The following RNF130 variants were observed in gnomAD, a reference collection of about 807,000 sequenced individuals.
RNF130 encodes the protein E3 ubiquitin-protein ligase RNF130.
In RNF130, 21 loss-of-function variants were observed where a neutral mutation model predicts 44.6. The ratio of observed to expected loss-of-function variants is 0.47; its 90% confidence interval spans 0.33 to 0.68. RNF130 has a LOEUF of 0.68. Among genes scored for constraint, RNF130 ranks in the 30% least tolerant of loss-of-function variants. The pLI, the probability that RNF130 is intolerant of heterozygous loss-of-function variation, is 0.02. For synonymous variants in RNF130, 214 were observed against 210.4 expected (o/e 1.02, Z -0.15); for missense variants, 479 against 560.6 (o/e 0.85, Z 1.47).
At chr5:179,928,689 T>C (rs1265615088) in intron 7 of RNF130, among the ~76,000 whole-genome samples, 1 of 151,342 alleles carries the variant, frequency 6.6e-6, no homozygotes, top group African/African-American at 2.4e-5. Context: ...AGTGCAGTGG[T>C]GCGATCTCGG....
At chr5:180,037,804 A>G (rs1171234969) in intron 2 of RNF130, among the ~76,000 whole-genome samples, 1 of 152,144 alleles carries the variant, frequency 6.6e-6, no homozygotes, top group Non-Finnish European at 1.5e-5. Context: ...CAATTTACCC[A>G]ATTTACTTTC....
intron 3 of RNF130, among the ~76,000 whole-genome samples, chr5:180,003,844 T>A (rs1763402196): frequency 6.6e-6 from 1 of 152,224 alleles, no homozygotes; most frequent in South Asian, 2.1e-4. Flanking sequence ...TTTCAAGGTG[T>A]GGTCCATGGG....
At chr5:180,061,622 ACCT>A (rs1282611015) in intron 1 of RNF130, among the ~76,000 whole-genome samples, 2 of 150,938 alleles carry the variant, frequency 1.3e-5, no homozygotes, top group African/African-American at 4.9e-5. Flanking sequence ...CATCTCTGTA[ACCT>A]CCTTCTTCCT....
At chr5:179,982,034 C>G (rs552947505) in intron 3 of RNF130, among the ~76,000 whole-genome samples, 1 of 152,118 alleles carries the variant, frequency 6.6e-6, no homozygotes, top group Non-Finnish European at 1.5e-5. Context: ...CATCCCCAAA[C>G]TTCTTTGTGC....
chr5:179,982,068 C>A (rs2113720324), intron 3 of RNF130, among the ~76,000 whole-genome samples: 1 of 152,158 alleles, frequency 6.6e-6, no homozygotes, highest in East Asian at 1.9e-4. Context: ...CCTCCTCCCG[C>A]CACCCCATCC....
intron 3 of RNF130, among the ~76,000 whole-genome samples, chr5:180,006,262 T>C (rs557290643): frequency 6.6e-6 from 1 of 152,092 alleles, no homozygotes; most frequent in East Asian, 1.9e-4. Flanking sequence ...ATCTTGGCAG[T>C]ATATACAATA....
intron 7 of RNF130, among the ~76,000 whole-genome samples, chr5:179,931,746 G>C (rs1761810965): frequency 6.6e-6 from 1 of 150,570 alleles, no homozygotes; most frequent in Non-Finnish European, 1.5e-5. Context: ...CTGCACTCCA[G>C]CCTGGGCGAC....
intron 7 of RNF130, among the ~76,000 whole-genome samples, chr5:179,926,942 T>TG (rs1162632855): frequency 4.6e-5 from 7 of 152,192 alleles, no homozygotes; most frequent in African/African-American, 1.7e-4. Flanking sequence ...ACTTCGTGTG[T>TG]GGGGGCCCCC....
intron 5 of RNF130, among the ~76,000 whole-genome samples, chr5:179,976,401 C>G (rs1762716659): frequency 6.6e-6 from 1 of 152,146 alleles, no homozygotes; most frequent in African/African-American, 2.4e-5. Context: ...ATTTGGAGAG[C>G]CTTGGCTTCT....
At chr5:180,042,829 T>C (rs1453792695) in intron 1 of RNF130, among the ~76,000 whole-genome samples, 3 of 152,248 alleles carry the variant, frequency 2.0e-5, no homozygotes, top group Non-Finnish European at 4.4e-5. Flanking sequence ...TGGTCTCGCA[T>C]ACATGCACAA....
intron 2 of RNF130, among the ~76,000 whole-genome samples, chr5:180,013,657 G>C (rs144946825): frequency 1.3e-5 from 2 of 152,220 alleles, no homozygotes; most frequent in Non-Finnish European, 2.9e-5. Flanking sequence ...CAAGAGAAGT[G>C]TATCAACATC....
At chr5:180,050,996 T>G (rs1209622214) in intron 1 of RNF130, among the ~76,000 whole-genome samples, 1 of 151,874 alleles carries the variant, frequency 6.6e-6, no homozygotes, top group Non-Finnish European at 1.5e-5. Context: ...CAACATGAGG[T>G]CTCACTATGT....
intron 3 of RNF130, among the ~76,000 whole-genome samples, chr5:180,005,614 T>C (rs988477439): frequency 1.3e-5 from 2 of 152,342 alleles, no homozygotes; most frequent in South Asian, 4.1e-4. Flanking sequence ...CATCTCTCTG[T>C]GGAAAATGAT....
chr5:179,920,438 A>G (rs1761612628), intron 7 of RNF130: 3 of 702,314 alleles, frequency 4.3e-6, no homozygotes, highest in Non-Finnish European at 7.8e-6. Flanking sequence ...TGGAAAAGGA[A>G]GAAGAGAAAG....
At chr5:180,022,728 CTAGTTT>C (rs1763902116) in intron 2 of RNF130, among the ~76,000 whole-genome samples, 4 of 152,202 alleles carry the variant, frequency 2.6e-5, no homozygotes, top group Non-Finnish European at 5.9e-5. Context: ...CTTTGCTATA[CTAGTTT>C]TAAACAACCC....
exon 8 of RNF130, chr5:179,918,031 A>C (rs1390395623): frequency 6.6e-6 from 1 of 152,092 alleles, no homozygotes; most frequent in African/African-American, 2.4e-5. Flanking sequence ...AAAAACCTGA[A>C]ACCAAAAACC....
chr5:180,001,891 T>C (rs1763353572), intron 3 of RNF130, among the ~76,000 whole-genome samples: 1 of 152,182 alleles, frequency 6.6e-6, no homozygotes, highest in Non-Finnish European at 1.5e-5. Flanking sequence ...TTCTACGGCC[T>C]GTAAGGGCAA....
intron 7 of RNF130, among the ~76,000 whole-genome samples, chr5:179,935,913 C>T (rs941470955): frequency 2.0e-5 from 3 of 152,098 alleles, no homozygotes; most frequent in African/African-American, 7.2e-5. Context: ...TGTCCCCTCC[C>T]ATCTTTTGTG....
At chr5:179,946,005 T>C (rs1762032376) in intron 7 of RNF130, among the ~76,000 whole-genome samples, 1 of 152,244 alleles carries the variant, frequency 6.6e-6, no homozygotes. Flanking sequence ...CAGAAGCATA[T>C]GACTGACGTT....
Sources: gnomAD v4.1 joint callset for allele counts (sites outside exome capture counted in the v4.1 genomes callset) on GRCh38, gnomAD v4.1.1 for gene constraint, MANE v1.5 for transcripts, NCBI Gene and HGNC (gene_info 2026-07-23, HGNC 2026-07-21) for gene names.